The following INPP5F variants were observed in gnomAD, a reference collection of about 807,000 sequenced individuals.
The protein encoded by INPP5F is inositol polyphosphate-5-phosphatase F.
A neutral mutation model predicts 137.2 loss-of-function variants in INPP5F; 97 were observed. That is an observed-to-expected ratio of 0.71 (90% CI 0.60 to 0.84). The LOEUF (loss-of-function observed/expected upper bound fraction) is 0.84. Ranked by LOEUF, INPP5F falls within the 40% of genes least tolerant of loss-of-function variation. The pLI is 0.00. For synonymous variants in INPP5F, 504 were observed against 476.9 expected, an observed-to-expected ratio of 1.06 and a Z score of -0.74; for missense variants, 1,271 against 1,371.9, an observed-to-expected ratio of 0.93 and a Z score of 1.16.
chr10:119,792,879 T>C (rs2134208576), intron 6 of INPP5F, among the ~76,000 whole-genome samples: 1 of 152,370 alleles, frequency 6.6e-6, no homozygotes, highest in East Asian at 1.9e-4. Flanking sequence ...AATAAAGTCA[T>C]ATGTTATCTT....
intron 1 of INPP5F, 90 bp downstream of exon 1, chr10:119,726,449 C>A: frequency 1.5e-6 from 1 of 688,912 alleles, no homozygotes; most frequent in Non-Finnish European, 2.0e-6. Flanking sequence ...GCGGGAGGAG[C>A]CGCCTGCGGG....
chr10:119,731,364 T>C (rs756740530), intron 1 of INPP5F, among the ~76,000 whole-genome samples: 13 of 152,110 alleles, frequency 8.5e-5, no homozygotes, highest in Admixed American at 2.6e-4. Flanking sequence ...CTTTATCTTT[T>C]TAAAAAATTC....
chr10:119,792,246 A>C, intron 6 of INPP5F, 33 bp downstream of exon 6: 5 of 1,478,468 alleles, frequency 3.4e-6, no homozygotes, highest in Non-Finnish European at 4.7e-6. Context: ...TCCTAACCGT[A>C]ATGAAATTGG....
chr10:119,826,316 A>G (rs1179407453), intron 19 of INPP5F, among the ~76,000 whole-genome samples: 1 of 152,234 alleles, frequency 6.6e-6, no homozygotes, highest in Non-Finnish European at 1.5e-5. Flanking sequence ...ATTAGTCCAA[A>G]AAGGAATATT....
At chr10:119,737,259 T>C (rs1848242525) in intron 1 of INPP5F, among the ~76,000 whole-genome samples, 1 of 152,244 alleles carries the variant, frequency 6.6e-6, no homozygotes, top group South Asian at 2.1e-4. Context: ...ATGAGATCTT[T>C]ATGCAGTTTG....
intron 1 of INPP5F, among the ~76,000 whole-genome samples, chr10:119,747,588 G>A (rs1334890447): frequency 6.6e-6 from 1 of 152,078 alleles, no homozygotes; most frequent in East Asian, 1.9e-4. Context: ...ATCTAACTTG[G>A]TATGTAACCT....
intron 1 of INPP5F, among the ~76,000 whole-genome samples, chr10:119,741,101 A>G (rs1848361732): frequency 6.6e-6 from 1 of 152,220 alleles, no homozygotes; most frequent in African/African-American, 2.4e-5. Context: ...ACTGTAGTAG[A>G]GCTAGGATTC....
At chr10:119,761,581 G>GTTT (rs34003892) in intron 2 of INPP5F, among the ~76,000 whole-genome samples, 11 of 144,322 alleles carry the variant, frequency 7.6e-5, no homozygotes, top group East Asian at 2.0e-4. Context: ...TCTTAATGTA[G>GTTT]TTTTTTTTTT....
intron 2 of INPP5F, among the ~76,000 whole-genome samples, chr10:119,754,018 A>G (rs995032007): frequency 2.6e-5 from 4 of 152,184 alleles, no homozygotes; most frequent in African/African-American, 9.7e-5. Flanking sequence ...TATGTAGGTT[A>G]AAATTTCTGC....
At chr10:119,786,427 A>G (rs1425039844) in intron 3 of INPP5F, among the ~76,000 whole-genome samples, 1 of 152,202 alleles carries the variant, frequency 6.6e-6, no homozygotes, top group African/African-American at 2.4e-5. Context: ...AATTTTCTCT[A>G]TCCCTGTTTT....
Position 119,829,061 on chromosome 10 carries a change from C to A in INPP5F, c.*1281C>A, listed in dbSNP as rs1444806779. ...TGTCGTTACTTTGATAAGCATTCCA[C>A]TTTTGTTATTTATTAGTGCTATCTT... On this transcript the variant is annotated 3_prime_UTR_variant, in exon 20 of 20. Coordinates refer to ENST00000650623, the MANE Select transcript of INPP5F (RefSeq NM_014937.4). The A allele has an allele frequency of 6.6e-6, 1 of 152,508 alleles. No individual in the cohort carries two copies. The highest frequency in any genetic ancestry group is 1.5e-5 in the Non-Finnish European group (1 of 68,012). The allele number at this position is 152,508 out of a possible 1,614,324, so 9.4% of individuals were successfully genotyped here. A position where few individuals can be genotyped will look rare whatever the true frequency, so the allele number is the denominator to read the frequency against.
intron 2 of INPP5F, among the ~76,000 whole-genome samples, chr10:119,753,438 A>G (rs1014424331): frequency 2.6e-5 from 4 of 152,186 alleles, no homozygotes; most frequent in African/African-American, 7.2e-5. Context: ...TCATGATTCT[A>G]TGGGTTGACA....
intron 7 of INPP5F, 46 bp downstream of exon 7, chr10:119,796,959 A>G (rs1589726514): frequency 6.6e-7 from 1 of 1,512,386 alleles, no homozygotes; most frequent in Non-Finnish European, 9.2e-7. Flanking sequence ...CCAGGCGAGA[A>G]TGGAAAAGCT....
At chr10:119,769,286 T>C (rs1281545061) in intron 2 of INPP5F, among the ~76,000 whole-genome samples, 1 of 152,162 alleles carries the variant, frequency 6.6e-6, no homozygotes, top group Non-Finnish European at 1.5e-5. Flanking sequence ...CGGTTAATTT[T>C]AAAAATTTTA....
At chr10:119,771,889 T>TATATATATACA (rs1564820119) in intron 2 of INPP5F, among the ~76,000 whole-genome samples, 1 of 43,154 alleles carries the variant, frequency 2.3e-5, no homozygotes, top group Non-Finnish European at 4.6e-5. Flanking sequence ...TATATTTTTT[T>TATATATATACA]TTTTTTTTTT....
At chr10:119,733,562 A>G (rs1018947723) in intron 1 of INPP5F, among the ~76,000 whole-genome samples, 1 of 152,248 alleles carries the variant, frequency 6.6e-6, no homozygotes, top group African/African-American at 2.4e-5. Flanking sequence ...CATGCACAGC[A>G]GAGGTGAAAT....
chr10:119,752,938 CT>C (rs1037615059), intron 2 of INPP5F, among the ~76,000 whole-genome samples: 4 of 146,818 alleles, frequency 2.7e-5, no homozygotes, highest in Non-Finnish European at 4.5e-5. Context: ...TGAGTTGTTT[CT>C]TTTTTTTTCT....
chr10:119,793,875 C>T (rs1850233437), intron 6 of INPP5F, among the ~76,000 whole-genome samples: 2 of 152,088 alleles, frequency 1.3e-5, no homozygotes, highest in African/African-American at 2.4e-5. Flanking sequence ...AGACTCCTGG[C>T]CTCAAGTGAA....
At position 119,805,283 on chromosome 10, in the gene INPP5F, CTTT is replaced by C; in HGVS notation, c.1242-98_1242-96del. 1.4e-5 allele frequency: 11 copies of C among 812,298 alleles called. No individual in the cohort carries two copies. The South Asian group carries it at 1.4e-4, about 10-fold the overall frequency. 50.3% of individuals were successfully genotyped at this position (812,298 alleles called of 1,614,324 possible). ...ACCTCATATATGTACAGCAACAATTCTTTTTAATTTTTCGAAGCTACATTAAAT... is the reference window on the plus strand; with the variant it reads ...ACCTCATATATGTACAGCAACAATTCTTAATTTTTCGAAGCTACATTAAAT... On this transcript the variant is annotated intron_variant, in intron 10 of 19. Coordinates refer to ENST00000650623, the MANE Select transcript of INPP5F (RefSeq NM_014937.4).
Sources: gnomAD v4.1 joint callset for allele counts (sites outside exome capture counted in the v4.1 genomes callset) on GRCh38, gnomAD v4.1.1 for gene constraint, MANE v1.5 for transcripts, NCBI Gene and HGNC (gene_info 2026-07-23, HGNC 2026-07-21) for gene names.